The following MICAL2 variants were observed in gnomAD, a reference collection of about 807,000 sequenced individuals.
MICAL2 encodes the protein [F-actin]-monooxygenase MICAL2.
MICAL2 carries 77 observed loss-of-function variants against 127.3 expected under a neutral mutation model. That is an observed-to-expected ratio of 0.60 (90% CI 0.50 to 0.73). MICAL2 has a LOEUF of 0.73. Among genes scored for constraint, MICAL2 ranks in the 30% least tolerant of loss-of-function variants. The pLI is 0.00. For synonymous variants in MICAL2, 570 were observed against 551.1 expected, an observed-to-expected ratio of 1.03 and a Z score of -0.48; for missense variants, 1,351 against 1,434.4, an observed-to-expected ratio of 0.94 and a Z score of 0.94.
intron 12 of MICAL2, among the ~76,000 whole-genome samples, chr11:12,223,805 C>T (rs1857098550): frequency 6.6e-6 from 1 of 152,198 alleles, no homozygotes; most frequent in South Asian, 2.1e-4. Flanking sequence ...CTGTTGTTTC[C>T]TGCATGGGGG....
intron 2 of MICAL2, among the ~76,000 whole-genome samples, chr11:12,141,028 A>G (rs1315193812): frequency 2.6e-5 from 4 of 152,342 alleles, no homozygotes; most frequent in African/African-American, 9.6e-5. Context: ...AACAACAAGA[A>G]AACCATGTCA....
At chr11:12,210,056 A>G (rs1476577249) in intron 6 of MICAL2, among the ~76,000 whole-genome samples, 1 of 152,158 alleles carries the variant, frequency 6.6e-6, no homozygotes, top group Non-Finnish European at 1.5e-5. Context: ...TTCAAGTGTA[A>G]TATTATTTAT....
At chr11:12,134,351 C>G (rs181758561) in intron 1 of MICAL2, among the ~76,000 whole-genome samples, 9 of 152,278 alleles carry the variant, frequency 5.9e-5, no homozygotes, top group African/African-American at 2.2e-4. Flanking sequence ...GCTTTAGCTT[C>G]CTTCTTTCTC....
At chr11:12,287,383 C>G (rs148521088), downstream of MICAL2, 925 of 360,904 alleles carry the variant, frequency 2.6e-3, 4 homozygotes, top group African/African-American at 0.018. Flanking sequence ...CCCCCTCCAC[C>G]CCACCCCTGG....
At chr11:12,327,603 G>T (rs1864369255) in intron 32 of MICAL2, among the ~76,000 whole-genome samples, 2 of 152,162 alleles carry the variant, frequency 1.3e-5, no homozygotes, top group Admixed American at 6.5e-5. Flanking sequence ...AAATTCAGGA[G>T]AAATATATGG....
intron 1 of MICAL2, chr11:12,276,391 C>T (rs190867108): frequency 2.0e-4 from 77 of 378,230 alleles, no homozygotes; most frequent in African/African-American, 1.4e-3. Flanking sequence ...ACGTCATAAG[C>T]ACTGTAAGTG....
chr11:12,156,625 T>C (rs1351007926), intron 2 of MICAL2, among the ~76,000 whole-genome samples: 1 of 152,170 alleles, frequency 6.6e-6, no homozygotes, highest in Non-Finnish European at 1.5e-5. Context: ...ATTGGGTGCC[T>C]AGTGCCCTGG....
chr11:12,259,218 C>T (rs1862762065), intron 25 of MICAL2, among the ~76,000 whole-genome samples: 2 of 152,254 alleles, frequency 1.3e-5, no homozygotes, highest in African/African-American at 4.8e-5. Flanking sequence ...CCGCAGTTGA[C>T]ATTTTGTAAC....
intron 3 of MICAL2, among the ~76,000 whole-genome samples, chr11:12,190,873 C>A (rs1859004125): frequency 2.0e-5 from 3 of 152,196 alleles, no homozygotes; most frequent in Non-Finnish European, 2.9e-5. Flanking sequence ...TAGTTCCTAC[C>A]TTATAAGTTA....
chr11:12,145,847 A>G (rs1456024559), intron 2 of MICAL2, among the ~76,000 whole-genome samples: 8 of 152,226 alleles, frequency 5.3e-5, no homozygotes, highest in Admixed American at 5.2e-4. Flanking sequence ...GGTGTGCACA[A>G]GCATCTCAGA....
intron 11 of MICAL2, among the ~76,000 whole-genome samples, chr11:12,223,061 A>G (rs1165436658): frequency 1.3e-5 from 2 of 152,216 alleles, no homozygotes; most frequent in Admixed American, 6.5e-5. Context: ...ATCTCTGCAT[A>G]CCACCCTTGG....
At position 12,237,901 on chromosome 11, in the gene MICAL2, G is replaced by A. The variant is rs183332984; in HGVS notation, c.2065-1535G>A. 1.6e-4 allele frequency among the ~76,000 whole-genome samples: 24 copies of A among 152,252 alleles called. No homozygotes were observed. In the East Asian group the frequency reaches 4.1e-3, roughly 26 times the overall value. ...AAAGTGCTGGCCTGTATGGCCCACCGTCCTGGCTAACTTTGGTCTTGTACA... is the reference window on the plus strand; with the variant it reads ...AAAGTGCTGGCCTGTATGGCCCACCATCCTGGCTAACTTTGGTCTTGTACA... On this transcript the variant is annotated intron_variant, in intron 16 of 27. Transcript: ENST00000683283.
At chr11:12,167,252 G>T (rs1354954399) in intron 3 of MICAL2, among the ~76,000 whole-genome samples, 2 of 146,192 alleles carry the variant, frequency 1.4e-5, no homozygotes, top group Non-Finnish European at 3.1e-5. Flanking sequence ...CAGGAATCAG[G>T]CCAGCGTATG....
At chr11:12,261,191 A>G in intron 26 of MICAL2, 2 of 985,476 alleles carry the variant, frequency 2.0e-6, no homozygotes, top group Non-Finnish European at 2.4e-6. Context: ...CTGCCCAGTG[A>G]GCATTGCCTG....
chr11:12,252,108 A>C (rs542726382), intron 22 of MICAL2, among the ~76,000 whole-genome samples: 100 of 152,230 alleles, frequency 6.6e-4, no homozygotes, highest in African/African-American at 2.3e-3. Flanking sequence ...CTTTCCTCCC[A>C]CAAAGCCCAG....
At chr11:12,290,115 C>T (rs939044782), downstream of MICAL2, among the ~76,000 whole-genome samples, 2 of 152,282 alleles carry the variant, frequency 1.3e-5, no homozygotes, top group South Asian at 2.1e-4. Context: ...TGCCCACCTC[C>T]CAAGCAGTGG....
chr11:12,260,901 C>T (rs1454160578), intron 26 of MICAL2: 2 of 985,368 alleles, frequency 2.0e-6, no homozygotes, highest in Non-Finnish European at 2.4e-6. Flanking sequence ...ATTCTACAAA[C>T]ATGCATTTTC....
At chr11:12,120,340 G>A (rs1035631964) in intron 1 of MICAL2, among the ~76,000 whole-genome samples, 2 of 152,362 alleles carry the variant, frequency 1.3e-5, no homozygotes, top group Middle Eastern at 6.8e-3. Context: ...GGAACAGGAG[G>A]AGGAGGGAAT....
At chr11:12,348,831 TATG>T (rs1208382051) in intron 32 of MICAL2, among the ~76,000 whole-genome samples, 3 of 152,190 alleles carry the variant, frequency 2.0e-5, no homozygotes, top group African/African-American at 7.2e-5. Context: ...AAAAGTTTGT[TATG>T]AGGATTAAAT....
Sources: allele counts gnomAD v4.1 joint callset (sites outside exome capture counted in the v4.1 genomes callset), GRCh38; gene constraint gnomAD v4.1.1; transcripts MANE v1.5; gene names NCBI Gene and HGNC (gene_info 2026-07-23, HGNC 2026-07-21).